DOCK3: variants seen among roughly 807,000 people sequenced by gnomAD.
The protein encoded by DOCK3 is dedicator of cytokinesis protein 3.
A neutral mutation model predicts 265.6 loss-of-function variants in DOCK3; 60 were observed. The ratio of observed to expected loss-of-function variants is 0.23; its 90% CI spans 0.18 to 0.28. The LOEUF is 0.28. Among genes scored for constraint, DOCK3 ranks in the 10% least tolerant of loss-of-function variants. The pLI, the probability that DOCK3 is intolerant of heterozygous loss-of-function variation, is 1.00. For missense variants in DOCK3, 1,981 were observed against 2,594.3 expected, an observed-to-expected ratio of 0.76 and a Z score of 5.14; for synonymous variants, 881 against 938.0, an observed-to-expected ratio of 0.94 and a Z score of 1.11.
chr3:50,698,675 T>C (rs1307280273), intron 1 of DOCK3, among the ~76,000 whole-genome samples: 2 of 151,926 alleles, frequency 1.3e-5, no homozygotes, highest in Non-Finnish European at 2.9e-5. Context: ...AGGGTTCCAG[T>C]TTCTTCATAT....
At chr3:51,110,837 TAGGG>T (rs142680189) in intron 9 of DOCK3, among the ~76,000 whole-genome samples, 18,714 of 152,020 alleles carry the variant, frequency 0.12, 1,487 homozygotes, top group Non-Finnish European at 0.17. Context: ...CCAGAGCAAT[TAGGG>T]AGAACAAAGA....
At chr3:50,827,061 G>A (rs1299221501) in intron 2 of DOCK3, among the ~76,000 whole-genome samples, 4 of 152,158 alleles carry the variant, frequency 2.6e-5, no homozygotes, top group African/African-American at 9.7e-5. Flanking sequence ...ATTTCATTGT[G>A]AAATTTCAGA....
chr3:51,171,715 CAAAA>C (rs779355875), intron 12 of DOCK3, among the ~76,000 whole-genome samples: 3 of 83,366 alleles, frequency 3.6e-5, no homozygotes, highest in African/African-American at 4.5e-5. Context: ...GACTCCATCT[CAAAA>C]AAAAAAAAAA....
At chr3:51,353,315 C>G (rs1003017853) in intron 40 of DOCK3, among the ~76,000 whole-genome samples, 2 of 152,104 alleles carry the variant, frequency 1.3e-5, no homozygotes, top group Non-Finnish European at 2.9e-5. Context: ...CTGATTCATC[C>G]AGACACATGG....
chr3:50,739,612 G>T (rs759847831), intron 1 of DOCK3, among the ~76,000 whole-genome samples: 1 of 152,116 alleles, frequency 6.6e-6, no homozygotes, highest in African/African-American at 2.4e-5. Context: ...GTTCTTAGAA[G>T]AGTGTTTGTC....
intron 1 of DOCK3, among the ~76,000 whole-genome samples, chr3:50,690,323 G>A (rs55672941): frequency 0.09 from 13,643 of 151,802 alleles, 740 homozygotes; most frequent in Middle Eastern, 0.18. Context: ...TTGTATGGAT[G>A]GGGTCTTGCC....
intron 3 of DOCK3, among the ~76,000 whole-genome samples, chr3:50,888,023 G>A (rs1049601998): frequency 3.9e-5 from 6 of 152,074 alleles, no homozygotes; most frequent in Admixed American, 3.9e-4. Context: ...AATTCGGCAG[G>A]AGAAAGAAAT....
At chr3:51,215,531 T>A (rs1560222510) in intron 14 of DOCK3, among the ~76,000 whole-genome samples, 1 of 152,342 alleles carries the variant, frequency 6.6e-6, no homozygotes, top group Non-Finnish European at 1.5e-5. Context: ...ACTTTAAATA[T>A]CACTTATTTG....
rs148007004 is a variant in DOCK3, at chr3:51,185,097, A to G, written c.1038-23677A>G. ...ACAGTCAAGAGAAACCTAACGAGAC[A>G]TGATACCTCAATGTAATATGGTACC... is the stretch of plus-strand genomic sequence containing the variant. On this transcript the variant is annotated intron_variant, in intron 12 of 52. Transcript: ENST00000266037. Among the ~76,000 whole-genome samples the G allele has an allele frequency of 3.3e-5, 5 of 152,352 alleles. No individual in the cohort carries two copies. In the East Asian group the frequency reaches 9.6e-4, roughly 29 times the overall value.
At chr3:51,004,457 A>G (rs569179277) in intron 5 of DOCK3, among the ~76,000 whole-genome samples, 1 of 152,254 alleles carries the variant, frequency 6.6e-6, no homozygotes, top group African/African-American at 2.4e-5. Flanking sequence ...CCAGGCTCTA[A>G]GTTGTAGGGT....
intron 7 of DOCK3, among the ~76,000 whole-genome samples, chr3:51,084,235 T>C (rs2082339948): frequency 6.6e-6 from 1 of 151,966 alleles, no homozygotes; most frequent in South Asian, 2.1e-4. Context: ...TACAGAAAGC[T>C]CAAATATCCC....
chr3:50,770,275 A>G (rs944291206), intron 1 of DOCK3, among the ~76,000 whole-genome samples: 1 of 152,324 alleles, frequency 6.6e-6, no homozygotes. Flanking sequence ...AAATCAACAT[A>G]CAAAAGTCAG....
intron 1 of DOCK3, among the ~76,000 whole-genome samples, chr3:50,718,013 AT>A: frequency 6.6e-6 from 1 of 152,358 alleles, no homozygotes; most frequent in South Asian, 2.1e-4. Context: ...TATATCAAGT[AT>A]ATCAGAATAT....
At chr3:50,757,427 C>T (rs927515303) in intron 1 of DOCK3, among the ~76,000 whole-genome samples, 18 of 149,910 alleles carry the variant, frequency 1.2e-4, no homozygotes, top group African/African-American at 4.2e-4. Context: ...CTGCCTGGGC[C>T]TCCCAAAGTG....
chr3:50,916,307 G>A (rs890584528), intron 4 of DOCK3, among the ~76,000 whole-genome samples: 2 of 151,978 alleles, frequency 1.3e-5, no homozygotes, highest in Non-Finnish European at 1.5e-5. Flanking sequence ...AGGCTGGAGT[G>A]CAGTGGCACA....
intron 10 of DOCK3, among the ~76,000 whole-genome samples, chr3:51,155,481 T>C (rs2085802410): frequency 6.6e-6 from 1 of 152,198 alleles, no homozygotes; most frequent in South Asian, 2.1e-4. Context: ...GATTGATGTG[T>C]GTGCTGCAAA....
At chr3:51,286,469 T>C (rs1576657160) in intron 27 of DOCK3, among the ~76,000 whole-genome samples, 1 of 152,196 alleles carries the variant, frequency 6.6e-6, no homozygotes, top group Non-Finnish European at 1.5e-5. Context: ...TAAAAACTTT[T>C]TTAAATTGAT....
chr3:50,763,104 C>A (rs1467816903), intron 1 of DOCK3, among the ~76,000 whole-genome samples: 1 of 152,036 alleles, frequency 6.6e-6, no homozygotes, highest in African/African-American at 2.4e-5. Context: ...AGTTCAGATG[C>A]TTTTCAACTT....
intron 10 of DOCK3, 108 bp downstream of exon 10, chr3:51,146,738 C>A: frequency 1.1e-6 from 1 of 951,380 alleles, no homozygotes; most frequent in Non-Finnish European, 1.6e-6. Flanking sequence ...TCCATATACA[C>A]TGGGGAGAAT....
Sources: allele counts gnomAD v4.1 joint callset (sites outside exome capture counted in the v4.1 genomes callset), GRCh38; gene constraint gnomAD v4.1.1; transcripts MANE v1.5; gene names NCBI Gene and HGNC (gene_info 2026-07-23, HGNC 2026-07-21).